Variants in NOVA1 observed in about 807,000 individuals in gnomAD.
The protein encoded by NOVA1 is RNA-binding protein Nova-1.
NOVA1 carries 7 observed loss-of-function variants against 38.0 expected under a neutral mutation model. The ratio of observed to expected loss-of-function variants is 0.18; its 90% CI spans 0.10 to 0.35. The LOEUF is 0.35. NOVA1 is among the 10% of genes least tolerant of loss of function. NOVA1 has a pLI of 1.00. For synonymous variants in NOVA1, 270 were observed against 232.5 expected, an observed-to-expected ratio of 1.16 and a Z score of -1.47; for missense variants, 460 against 616.0, an observed-to-expected ratio of 0.75 and a Z score of 2.68.
chr14:26,540,759 T>C (rs538237620), intron 2 of NOVA1, among the ~76,000 whole-genome samples: 1 of 152,312 alleles, frequency 6.6e-6, no homozygotes, highest in Admixed American at 6.5e-5. Context: ...CATTCAATAT[T>C]TTTAAGACTT....
At chr14:26,565,875 C>G (rs1309253950) in intron 2 of NOVA1, among the ~76,000 whole-genome samples, 1 of 151,938 alleles carries the variant, frequency 6.6e-6, no homozygotes, top group Non-Finnish European at 1.5e-5. Flanking sequence ...AAATACTTTA[C>G]AAAATGGGCT....
intron 2 of NOVA1, chr14:26,594,654 A>G (rs1471754027): frequency 6.6e-6 from 1 of 152,052 alleles, no homozygotes; most frequent in Non-Finnish European, 1.5e-5. Flanking sequence ...AAAATGTAAG[A>G]AAAAAATAGA....
intron 3 of NOVA1, among the ~76,000 whole-genome samples, chr14:26,474,272 T>A (rs1383803038): frequency 6.6e-6 from 1 of 152,020 alleles, no homozygotes; most frequent in East Asian, 1.9e-4. Context: ...GCTCTTCTAT[T>A]TCCATTAGAA....
At chr14:26,564,404 A>G (rs1229865837) in intron 2 of NOVA1, among the ~76,000 whole-genome samples, 5 of 152,126 alleles carry the variant, frequency 3.3e-5, no homozygotes, top group African/African-American at 1.2e-4. Flanking sequence ...TTACACATGA[A>G]AAAATGGAAG....
chr14:26,569,811 T>C (rs1892361167), intron 2 of NOVA1, among the ~76,000 whole-genome samples: 1 of 152,202 alleles, frequency 6.6e-6, no homozygotes, highest in Non-Finnish European at 1.5e-5. Context: ...TTTCAAATCT[T>C]TACTTCTTCA....
intron 2 of NOVA1, among the ~76,000 whole-genome samples, chr14:26,490,036 C>A (rs1254447836): frequency 3.3e-5 from 5 of 152,070 alleles, no homozygotes; most frequent in Admixed American, 3.3e-4. Flanking sequence ...TTCCTATATC[C>A]CCCAGTTACC....
At chr14:26,549,811 C>T (rs957110592) in intron 2 of NOVA1, 6 of 1,165,496 alleles carry the variant, frequency 5.1e-6, no homozygotes, top group East Asian at 1.1e-4. Flanking sequence ...TAAACAGTTG[C>T]TGCGTTCCAC....
At chr14:26,568,977 T>C (rs1892305685) in intron 2 of NOVA1, among the ~76,000 whole-genome samples, 1 of 152,176 alleles carries the variant, frequency 6.6e-6, no homozygotes, top group African/African-American at 2.4e-5. Context: ...GCCAAGAATT[T>C]AGATTCAAGT....
At chr14:26,572,759 TGTGTG>T (rs1892567294) in intron 2 of NOVA1, among the ~76,000 whole-genome samples, 1 of 151,272 alleles carries the variant, frequency 6.6e-6, no homozygotes, top group Non-Finnish European at 1.5e-5. Context: ...TGTGTGTGTG[TGTGTG>T]TATGTGTGTC....
chr14:26,480,550 T>C (rs184995970), intron 2 of NOVA1, among the ~76,000 whole-genome samples: 7 of 152,290 alleles, frequency 4.6e-5, no homozygotes, highest in Non-Finnish European at 8.8e-5. Context: ...CAGAGAATTG[T>C]AGGACATTAC....
chr14:26,529,937 C>CT, intron 2 of NOVA1, among the ~76,000 whole-genome samples: 1 of 152,052 alleles, frequency 6.6e-6, no homozygotes, highest in Non-Finnish European at 1.5e-5. Flanking sequence ...CTAAAAATGG[C>CT]TCATTTTTTT....
chr14:26,502,652 T>C (rs1253543999), intron 2 of NOVA1, among the ~76,000 whole-genome samples: 2 of 150,124 alleles, frequency 1.3e-5, no homozygotes, highest in East Asian at 1.9e-4. Flanking sequence ...TTGCAGAAAC[T>C]GGAGAGTTAA....
intron 2 of NOVA1, among the ~76,000 whole-genome samples, chr14:26,589,066 T>C (rs970172995): frequency 6.6e-6 from 1 of 151,590 alleles, no homozygotes; most frequent in African/African-American, 2.4e-5. Flanking sequence ...TTATATTCAA[T>C]GGATACCAAA....
chr14:26,477,456 CTA>C (rs1263837735), intron 3 of NOVA1, among the ~76,000 whole-genome samples: 1 of 151,976 alleles, frequency 6.6e-6, no homozygotes, highest in Non-Finnish European at 1.5e-5. Flanking sequence ...TTTCATTATT[CTA>C]CTATATGAAA....
At chr14:26,500,108 G>A (rs188138904) in intron 2 of NOVA1, among the ~76,000 whole-genome samples, 5 of 151,940 alleles carry the variant, frequency 3.3e-5, no homozygotes, top group Admixed American at 1.3e-4. Flanking sequence ...GTGTTACCTG[G>A]TTTCCACAGT....
At chr14:26,552,265 G>C (rs570406484) in intron 2 of NOVA1, among the ~76,000 whole-genome samples, 45 of 152,196 alleles carry the variant, frequency 3.0e-4, no homozygotes, top group African/African-American at 9.6e-4. Flanking sequence ...TAGAGTTCAT[G>C]TAAGAACCAC....
chr14:26,563,083 T>G (rs1891923396), intron 2 of NOVA1, among the ~76,000 whole-genome samples: 1 of 151,960 alleles, frequency 6.6e-6, no homozygotes, highest in Non-Finnish European at 1.5e-5. Context: ...AAGCAACAAG[T>G]CTTGCTAGCA....
At chr14:26,584,909 C>T (rs937814898) in intron 2 of NOVA1, among the ~76,000 whole-genome samples, 1 of 151,388 alleles carries the variant, frequency 6.6e-6, no homozygotes, top group Non-Finnish European at 1.5e-5. Context: ...GCATTGTATA[C>T]TTAGTTCTAA....
intron 2 of NOVA1, among the ~76,000 whole-genome samples, chr14:26,565,022 G>A (rs1478587460): frequency 6.6e-6 from 1 of 152,112 alleles, no homozygotes; most frequent in Non-Finnish European, 1.5e-5. Context: ...GACTCTGTGT[G>A]GGAAAGTAGC....
Sources: allele counts gnomAD v4.1 joint callset (sites outside exome capture counted in the v4.1 genomes callset), GRCh38; gene constraint gnomAD v4.1.1; transcripts MANE v1.5; gene names NCBI Gene and HGNC (gene_info 2026-07-23, HGNC 2026-07-21).